Variants in CAMK4 observed in about 807,000 individuals in gnomAD.
CAMK4 encodes the protein calcium/calmodulin-dependent protein kinase type IV.
A neutral mutation model predicts 44.9 loss-of-function variants in CAMK4; 22 were observed. The observed-to-expected ratio is 0.49, with a 90% CI of 0.35 to 0.70. The LOEUF is 0.70. CAMK4 is among the 30% of genes least tolerant of loss of function. The pLI is 0.01. For missense variants in CAMK4, 498 were observed against 586.8 expected (o/e 0.85, Z 1.56); for synonymous variants, 218 against 215.4 (o/e 1.01, Z -0.11).
chr5:111,324,798 A>T (rs1005537049), intron 1 of CAMK4, among the ~76,000 whole-genome samples: 1 of 152,044 alleles, frequency 6.6e-6, no homozygotes, highest in Non-Finnish European at 1.5e-5. Flanking sequence ...TTGAAACATA[A>T]TATACATCTC....
intron 5 of CAMK4, among the ~76,000 whole-genome samples, chr5:111,436,975 A>G (rs1309552663): frequency 2.6e-5 from 4 of 152,232 alleles, no homozygotes; most frequent in Non-Finnish European, 4.4e-5. Context: ...TGAATTAGGT[A>G]ATGGTTTAAA....
At chr5:111,274,439 A>C (rs915734533) in intron 1 of CAMK4, among the ~76,000 whole-genome samples, 1 of 152,182 alleles carries the variant, frequency 6.6e-6, no homozygotes, top group Admixed American at 6.6e-5. Flanking sequence ...ATTGGTGTTC[A>C]ATAAATATTT....
At chr5:111,360,214 T>C (rs1043371814) in intron 2 of CAMK4, among the ~76,000 whole-genome samples, 3 of 152,090 alleles carry the variant, frequency 2.0e-5, no homozygotes, top group Admixed American at 1.3e-4. Context: ...AGTTTAAAAG[T>C]ATTTCTTTAG....
At chr5:111,450,914 C>T (rs1754209019) in intron 7 of CAMK4, among the ~76,000 whole-genome samples, 1 of 152,080 alleles carries the variant, frequency 6.6e-6, no homozygotes, top group South Asian at 2.1e-4. Flanking sequence ...AATTATCTGT[C>T]TTGTTTTCTA....
chr5:111,247,658 T>G (rs951447788), intron 1 of CAMK4, among the ~76,000 whole-genome samples: 1 of 152,094 alleles, frequency 6.6e-6, no homozygotes, highest in African/African-American at 2.4e-5. Context: ...AATTTCCCTT[T>G]CTTCAGGTAA....
chr5:111,372,535 C>T (rs540212984), intron 2 of CAMK4, among the ~76,000 whole-genome samples: 2 of 152,100 alleles, frequency 1.3e-5, no homozygotes, highest in Non-Finnish European at 2.9e-5. Context: ...AAGACACAAA[C>T]GTGCACAGGG....
In CAMK4 at chr5:111,366,488, G is replaced by A. The variant is rs1750798761; in HGVS notation, c.241-8362G>A. Among the ~76,000 whole-genome samples, 4 of 152,224 alleles carry A rather than the reference G, an allele frequency of 2.6e-5. No homozygotes were observed. The South Asian group carries it at 8.3e-4, about 32-fold the overall frequency. ...TGGTTATTGTCCTCTCTATTCTCCA[G>A]TTTATTCACCCCCTTTCTCCATTTG... On this transcript the variant is annotated intron_variant, in intron 2 of 10. Coordinates refer to ENST00000282356, the MANE Select transcript of CAMK4 (RefSeq NM_001744.6).
At chr5:111,235,923 C>T (rs1369479408) in intron 1 of CAMK4, among the ~76,000 whole-genome samples, 1 of 152,184 alleles carries the variant, frequency 6.6e-6, no homozygotes, top group Non-Finnish European at 1.5e-5. Flanking sequence ...GCAGGCCATT[C>T]TGGACAGCTG....
intron 2 of CAMK4, among the ~76,000 whole-genome samples, chr5:111,354,089 G>A (rs1024515801): frequency 6.6e-6 from 1 of 152,094 alleles, no homozygotes; most frequent in Admixed American, 6.6e-5. Flanking sequence ...AGAAAATGTG[G>A]TATGGATAAC....
In CAMK4 at chr5:111,365,878, G is replaced by A. The variant is rs187979997; in HGVS notation, c.241-8972G>A. 9.9e-5 allele frequency among the ~76,000 whole-genome samples: 15 copies of A among 152,208 alleles called. No homozygotes were observed. The East Asian group carries it at 2.5e-3, about 26-fold the overall frequency. The stretch of plus-strand genomic sequence containing the variant: ...TAGGAAAACCTCGATATTTGTATGT[G>A]TCCTGCATTTGATTTTGGGGTGTTC... On this transcript the variant is annotated intron_variant, in intron 2 of 10. Coordinates refer to ENST00000282356, the MANE Select transcript of CAMK4 (RefSeq NM_001744.6).
rs192970275 is a variant in CAMK4 at position 111,466,232 on chromosome 5, A to G, written c.626-7079A>G. Among the ~76,000 whole-genome samples the G allele has an allele frequency of 2.3e-3, 356 of 152,284 alleles. 1 individual carries two copies. Among genetic ancestry groups the G allele is most frequent in the African/African-American group, 7.7e-3 (322 of 41,564 alleles). ...ATAAGACTCATCTATGACAAACCCA[A>G]AGCTAACATAATACCGAATGGGGAA... On this transcript the variant is annotated intron_variant, in intron 7 of 10. Transcript: ENST00000282356.
At chr5:111,255,483 G>A (rs542563458) in intron 1 of CAMK4, among the ~76,000 whole-genome samples, 9 of 152,198 alleles carry the variant, frequency 5.9e-5, no homozygotes, top group Non-Finnish European at 7.4e-5. Context: ...AGAGTTTACC[G>A]AACTGTTTAT....
intron 1 of CAMK4, among the ~76,000 whole-genome samples, chr5:111,291,269 A>G (rs535975905): frequency 5.7e-4 from 87 of 152,328 alleles, no homozygotes; most frequent in African/African-American, 1.4e-3. Context: ...TATGAAACAT[A>G]TATTACATTT....
chr5:111,283,268 A>C (rs1580528468), intron 1 of CAMK4, among the ~76,000 whole-genome samples: 1 of 152,230 alleles, frequency 6.6e-6, no homozygotes, highest in African/African-American at 2.4e-5. Context: ...AAGCTCTTTT[A>C]GACTTATATG....
intron 7 of CAMK4, among the ~76,000 whole-genome samples, chr5:111,458,711 AT>A (rs1363448935): frequency 6.6e-6 from 1 of 152,202 alleles, no homozygotes; most frequent in Non-Finnish European, 1.5e-5. Context: ...TTGTGTTAGA[AT>A]GGAATATATA....
chr5:111,391,678 C>T (rs950696713), intron 4 of CAMK4, among the ~76,000 whole-genome samples: 1 of 152,042 alleles, frequency 6.6e-6, no homozygotes, highest in African/African-American at 2.4e-5. Context: ...AAAACAAACA[C>T]AAAACATTCT....
chr5:111,299,049 C>T (rs181463065), intron 1 of CAMK4, among the ~76,000 whole-genome samples: 15 of 152,298 alleles, frequency 9.8e-5, no homozygotes, highest in Non-Finnish European at 1.8e-4. Flanking sequence ...GTATTGTTGT[C>T]GTGGGTTATA....
intron 5 of CAMK4, among the ~76,000 whole-genome samples, chr5:111,432,805 T>C (rs1242176143): frequency 2.0e-5 from 3 of 151,986 alleles, no homozygotes; most frequent in Non-Finnish European, 4.4e-5. Context: ...CTCATTTAGC[T>C]CATAATTCCA....
At chr5:111,464,355 T>C (rs907812807) in intron 7 of CAMK4, among the ~76,000 whole-genome samples, 1 of 152,072 alleles carries the variant, frequency 6.6e-6, no homozygotes, top group African/African-American at 2.4e-5. Context: ...TGAACAAACC[T>C]AAAAATAATG....
Sources: gnomAD v4.1 joint callset for allele counts (sites outside exome capture counted in the v4.1 genomes callset) on GRCh38, gnomAD v4.1.1 for gene constraint, MANE v1.5 for transcripts, NCBI Gene and HGNC (gene_info 2026-07-23, HGNC 2026-07-21) for gene names.